The following KIAA1958 variants were observed in gnomAD, a reference collection of about 807,000 sequenced individuals.
KIAA1958 encodes the protein KIAA1958, also known as uncharacterized protein KIAA1958.
KIAA1958 carries 14 observed loss-of-function variants against 47.2 expected under a neutral mutation model. The observed-to-expected ratio is 0.30, with a 90% CI of 0.20 to 0.46. KIAA1958 has a LOEUF of 0.46. Ranked by LOEUF, KIAA1958 falls within the 20% of genes least tolerant of loss-of-function variation. The probability of loss-of-function intolerance (pLI) is 1.00; values close to 1 mark genes in which losing one functional copy is unlikely to be tolerated. For missense variants in KIAA1958, 803 were observed against 909.2 expected (o/e 0.88, Z 1.50); for synonymous variants, 354 against 353.3 (o/e 1.00, Z -0.02).
At chr9:112,625,327 A>C (rs1402282836) in intron 2 of KIAA1958, among the ~76,000 whole-genome samples, 2 of 151,886 alleles carry the variant, frequency 1.3e-5, no homozygotes, top group Admixed American at 6.6e-5. Context: ...AATTTTTAAA[A>C]ATTTTTTGTA....
chr9:112,511,802 G>A (rs1196364993), intron 1 of KIAA1958, among the ~76,000 whole-genome samples: 1 of 152,112 alleles, frequency 6.6e-6, no homozygotes, highest in Non-Finnish European at 1.5e-5. Flanking sequence ...AAAATTAGGA[G>A]GAGATATACA....
At chr9:112,524,925 A>C (rs1368126213) in intron 1 of KIAA1958, among the ~76,000 whole-genome samples, 1 of 152,146 alleles carries the variant, frequency 6.6e-6, no homozygotes, top group African/African-American at 2.4e-5. Flanking sequence ...ATGATAATAT[A>C]ATTCTGGTTG....
intron 1 of KIAA1958, among the ~76,000 whole-genome samples, chr9:112,538,368 G>A (rs1564164062): frequency 2.6e-5 from 4 of 151,002 alleles, no homozygotes; most frequent in Non-Finnish European, 4.4e-5. Context: ...AAGAAAGAAA[G>A]AAAAAAAAGA....
rs1039925688 is a variant in KIAA1958 at position 112,667,659 on chromosome 9, A to G, written c.*7590A>G. Reference sequence around the variant, plus strand: ...TCAGACTTCTGCTCTATAGCACCAAATGCCAGGAAACAATAGAGAATTGTG... The same window carrying G: ...TCAGACTTCTGCTCTATAGCACCAAGTGCCAGGAAACAATAGAGAATTGTG... On this transcript the variant is annotated 3_prime_UTR_variant, in exon 4 of 4. Coordinates refer to ENST00000337530, the MANE Select transcript of KIAA1958 (RefSeq NM_133465.4). 1.3e-5 allele frequency: 2 copies of G among 152,190 alleles called. No homozygotes were observed. The highest frequency in any genetic ancestry group is 4.8e-5 in the African/African-American group (2 of 41,454). 9.4% of individuals were successfully genotyped at this position (152,190 alleles called of 1,614,324 possible). A position where few individuals can be genotyped will look rare whatever the true frequency, so the allele number is the denominator to read the frequency against.
intron 1 of KIAA1958, among the ~76,000 whole-genome samples, chr9:112,538,311 C>T (rs1352397888): frequency 6.6e-6 from 1 of 151,820 alleles, no homozygotes; most frequent in Non-Finnish European, 1.5e-5. Flanking sequence ...TTGGTTGTGC[C>T]GCTGTACTCC....
At chr9:112,653,486 T>G (rs992913963) in intron 3 of KIAA1958, among the ~76,000 whole-genome samples, 1 of 152,220 alleles carries the variant, frequency 6.6e-6, no homozygotes, top group Non-Finnish European at 1.5e-5. Context: ...CTAGTCTCAC[T>G]TGGGGTACTC....
chr9:112,640,270 C>G (rs1836871046), intron 2 of KIAA1958, among the ~76,000 whole-genome samples: 1 of 152,194 alleles, frequency 6.6e-6, no homozygotes, highest in Admixed American at 6.5e-5. Context: ...CAGTTAAGCC[C>G]TTCCTGGATT....
intron 2 of KIAA1958, among the ~76,000 whole-genome samples, chr9:112,627,869 A>C (rs1836644292): frequency 6.6e-6 from 1 of 152,244 alleles, no homozygotes; most frequent in Non-Finnish European, 1.5e-5. Context: ...GACTTACTTA[A>C]CATACTTGGT....
intron 2 of KIAA1958, among the ~76,000 whole-genome samples, chr9:112,616,935 G>T (rs892985185): frequency 3.9e-5 from 6 of 152,138 alleles, no homozygotes; most frequent in African/African-American, 1.4e-4. Flanking sequence ...AGAGATGCTG[G>T]TTAAGATACA....
intron 3 of KIAA1958, among the ~76,000 whole-genome samples, chr9:112,648,768 C>A (rs1837015314): frequency 6.6e-6 from 1 of 152,118 alleles, no homozygotes; most frequent in African/African-American, 2.4e-5. Flanking sequence ...AACAAAGTTT[C>A]AGAATATGTA....
At chr9:112,566,425 G>C (rs1835428212) in intron 1 of KIAA1958, among the ~76,000 whole-genome samples, 1 of 152,066 alleles carries the variant, frequency 6.6e-6, no homozygotes. Context: ...TTGGTGCCTT[G>C]ATTCTGCCAC....
intron 1 of KIAA1958, among the ~76,000 whole-genome samples, chr9:112,501,276 CA>C (rs142264952): frequency 2.1e-5 from 3 of 143,476 alleles, no homozygotes; most frequent in African/African-American, 2.6e-5. Flanking sequence ...CTTGTCTTTA[CA>C]AAAAAAAAAG....
chr9:112,508,699 C>A (rs1211271503), intron 1 of KIAA1958, among the ~76,000 whole-genome samples: 1 of 152,158 alleles, frequency 6.6e-6, no homozygotes, highest in African/African-American at 2.4e-5. Flanking sequence ...GAAACAACAG[C>A]TGAAAGTCAT....
chr9:112,496,499 T>A (rs1203277368), intron 1 of KIAA1958, among the ~76,000 whole-genome samples: 1 of 152,196 alleles, frequency 6.6e-6, no homozygotes, highest in African/African-American at 2.4e-5. Context: ...GTTACATAAG[T>A]GGGTTCTGTT....
chr9:112,573,830 T>A (rs1023036560), intron 1 of KIAA1958, among the ~76,000 whole-genome samples: 1 of 152,130 alleles, frequency 6.6e-6, no homozygotes, highest in African/African-American at 2.4e-5. Flanking sequence ...TAAAGAAAAG[T>A]AACAAAATTT....
chr9:112,650,284 T>C (rs1837035519), intron 3 of KIAA1958, among the ~76,000 whole-genome samples: 1 of 152,162 alleles, frequency 6.6e-6, no homozygotes, highest in South Asian at 2.1e-4. Flanking sequence ...AGCAAAATTA[T>C]ACCATACAGA....
In KIAA1958 at chr9:112,525,974, TC is replaced by T. The variant is rs1223788482; in HGVS notation, c.-25+38857del. Reference sequence around the variant, plus strand: ...TTCTTCTTCTTCTTCTTCTTCTTCTTCTTCTTCTTCTTCTTCTTCTTCTTCT... The same window carrying T: ...TTCTTCTTCTTCTTCTTCTTCTTCTTTTCTTCTTCTTCTTCTTCTTCTTCT... On this transcript the variant is annotated intron_variant, in intron 1 of 3. Transcript: ENST00000337530. 9.3e-4 allele frequency among the ~76,000 whole-genome samples: 3 copies of T among 3,214 alleles called. 1 individual carries two copies. The African/African-American group carries it at 0.013, about 14-fold the overall frequency. The allele number at this position is 3,214 out of a possible 152,430, so 2.1% of individuals were successfully genotyped here.
At chr9:112,611,606 A>C (rs544795294) in intron 2 of KIAA1958, among the ~76,000 whole-genome samples, 2 of 152,094 alleles carry the variant, frequency 1.3e-5, no homozygotes, top group African/African-American at 4.8e-5. Flanking sequence ...AATGAACAAT[A>C]TGGCAATAAT....
intron 1 of KIAA1958, among the ~76,000 whole-genome samples, chr9:112,521,078 T>G (rs1834533082): frequency 1.3e-5 from 2 of 152,186 alleles, no homozygotes; most frequent in African/African-American, 4.8e-5. Flanking sequence ...TAAACAATAT[T>G]TTTCAATTAA....
Sources: allele counts gnomAD v4.1 joint callset (sites outside exome capture counted in the v4.1 genomes callset), GRCh38; gene constraint gnomAD v4.1.1; transcripts MANE v1.5; gene names NCBI Gene and HGNC (gene_info 2026-07-23, HGNC 2026-07-21).